GALNTL6: variants seen among roughly 807,000 people sequenced by gnomAD.
GALNTL6 encodes the protein polypeptide N-acetylgalactosaminyltransferase like 6.
A neutral mutation model predicts 73.7 loss-of-function variants in GALNTL6; 46 were observed. That is an observed-to-expected ratio of 0.62 (90% confidence interval 0.49 to 0.80). The LOEUF (loss-of-function observed/expected upper bound fraction) is 0.80, where lower values mean the gene tolerates loss of function less well. Among genes scored for constraint, GALNTL6 ranks in the 30% least tolerant of loss-of-function variants. The pLI is 0.00. For missense variants in GALNTL6, 604 were observed against 755.0 expected (o/e 0.80, Z 2.34); for synonymous variants, 259 against 263.7 (o/e 0.98, Z 0.17).
At chr4:172,393,748 T>C (rs1453389194) in intron 5 of GALNTL6, among the ~76,000 whole-genome samples, 5 of 152,208 alleles carry the variant, frequency 3.3e-5, no homozygotes, top group Non-Finnish European at 7.3e-5. Flanking sequence ...TTTATGTAAC[T>C]ACTTTTATTA....
chr4:171,909,862 A>G (rs111729779), intron 2 of GALNTL6, among the ~76,000 whole-genome samples: 2,006 of 152,296 alleles, frequency 0.013, 49 homozygotes, highest in African/African-American at 0.045. Flanking sequence ...GGCAGACTGC[A>G]GTTTGCTGTA....
chr4:171,980,180 C>A (rs575921280), intron 2 of GALNTL6, among the ~76,000 whole-genome samples: 49 of 151,982 alleles, frequency 3.2e-4, no homozygotes, highest in African/African-American at 1.2e-3. Flanking sequence ...GGAAAAAGAA[C>A]CCAAAGAATT....
chr4:172,813,592 T>A lies in GALNTL6; in HGVS notation c.792T>A (p.Ile264=), dbSNP rs775739277. The change falls in exon 7 of 13, where the codon ATT becomes ATA. Residue 264 remains isoleucine, a synonymous_variant. Coordinates refer to ENST00000506823, the MANE Select transcript of GALNTL6 (RefSeq NM_001034845.3). ...KTIVCPMIDV[I]DHNHFGYEAQ... ...TCGTGTGTCCCATGATCGATGTCAT[T>A]GACCACAATCACTTCGGGTATGAGG... is the stretch of plus-strand genomic sequence containing the variant. 1 of 1,613,084 alleles carries A rather than the reference T, an allele frequency of 6.2e-7. No homozygotes were observed. The highest frequency in any genetic ancestry group is 8.5e-7 in the Non-Finnish European group (1 of 1,179,266).
chr4:171,885,939 C>T (rs1046308279), intron 2 of GALNTL6, among the ~76,000 whole-genome samples: 1 of 151,860 alleles, frequency 6.6e-6, no homozygotes, highest in Non-Finnish European at 1.5e-5. Flanking sequence ...TTGTAGAAAC[C>T]AAATTCACTT....
At chr4:172,820,642 T>TCTCCC in intron 7 of GALNTL6, among the ~76,000 whole-genome samples, 1 of 152,186 alleles carries the variant, frequency 6.6e-6, no homozygotes, top group South Asian at 2.1e-4. Flanking sequence ...CTCCCATCCC[T>TCTCCC]ATTAGGACAA....
At chr4:172,363,716 A>G (rs370918734) in intron 5 of GALNTL6, among the ~76,000 whole-genome samples, 1 of 152,300 alleles carries the variant, frequency 6.6e-6, no homozygotes, top group African/African-American at 2.4e-5. Context: ...GGTTGAACCA[A>G]TGTACATATT....
intron 3 of GALNTL6, among the ~76,000 whole-genome samples, chr4:172,310,524 A>G (rs1973246): frequency 0.8 from 122,132 of 152,004 alleles, 49,686 homozygotes; most frequent in Non-Finnish European, 0.87. Context: ...GCCTGCCTTG[A>G]CCTCCCAAAG....
intron 5 of GALNTL6, among the ~76,000 whole-genome samples, chr4:172,592,411 A>G (rs1031920199): frequency 4.6e-5 from 7 of 151,928 alleles, no homozygotes; most frequent in Non-Finnish European, 8.8e-5. Context: ...ACTAGGTCCT[A>G]CCTCCCACCA....
chr4:172,697,413 A>G lies in GALNTL6; in HGVS notation c.554-111948A>G, dbSNP rs559779824. 1.4e-3 allele frequency among the ~76,000 whole-genome samples: 215 copies of G among 152,372 alleles called. 1 individual carries two copies. The highest frequency in any genetic ancestry group is 5.0e-3 in the African/African-American group (206 of 41,584). ...CTTGATCCTCTAAGTAAATAGAAAT[A>G]CTAAATAAAAAGTTGGCATTTCACT... On this transcript the variant is annotated intron_variant, in intron 5 of 12. Coordinates refer to ENST00000506823, the MANE Select transcript of GALNTL6 (RefSeq NM_001034845.3).
At chr4:172,947,609 A>C (rs1357507102) in intron 9 of GALNTL6, among the ~76,000 whole-genome samples, 1 of 150,822 alleles carries the variant, frequency 6.6e-6, no homozygotes, top group Admixed American at 6.6e-5. Flanking sequence ...ACATCTTAGC[A>C]GGTCCACCAA....
At chr4:171,957,180 T>C (rs150942727) in intron 2 of GALNTL6, among the ~76,000 whole-genome samples, 1,553 of 152,320 alleles carry the variant, frequency 0.01, 16 homozygotes, top group Non-Finnish European at 0.018. Flanking sequence ...CTCTAATTTC[T>C]GTAGATTTAT....
chr4:172,529,544 G>T (rs929314457), intron 5 of GALNTL6, among the ~76,000 whole-genome samples: 1 of 152,038 alleles, frequency 6.6e-6, no homozygotes, highest in African/African-American at 2.4e-5. Flanking sequence ...ATATCCTCCA[G>T]TAATTAACTT....
At chr4:172,414,672 T>C (rs1417377919) in intron 5 of GALNTL6, among the ~76,000 whole-genome samples, 1 of 152,140 alleles carries the variant, frequency 6.6e-6, no homozygotes, top group Non-Finnish European at 1.5e-5. Flanking sequence ...AGAACCAAAG[T>C]CCTTTCCTAG....
At chr4:172,493,546 G>C (rs72995069) in intron 5 of GALNTL6, among the ~76,000 whole-genome samples, 1 of 151,998 alleles carries the variant, frequency 6.6e-6, no homozygotes, top group Admixed American at 6.6e-5. Flanking sequence ...CACTTACTTG[G>C]TACCAGGTTT....
intron 2 of GALNTL6, among the ~76,000 whole-genome samples, chr4:171,860,802 A>T (rs1233326992): frequency 6.6e-6 from 1 of 152,186 alleles, no homozygotes; most frequent in Non-Finnish European, 1.5e-5. Flanking sequence ...CTTAATACAG[A>T]ATATAGTCAT....
intron 2 of GALNTL6, among the ~76,000 whole-genome samples, chr4:171,968,774 G>A (rs1739466395): frequency 6.7e-6 from 1 of 149,508 alleles, no homozygotes; most frequent in Non-Finnish European, 1.5e-5. Context: ...TGAACTCTGG[G>A]TCAGACTTGT....
At chr4:172,094,217 C>T (rs1185767691) in intron 2 of GALNTL6, among the ~76,000 whole-genome samples, 7 of 152,128 alleles carry the variant, frequency 4.6e-5, no homozygotes, top group Admixed American at 4.6e-4. Flanking sequence ...ACTTAAACTT[C>T]TGTAGAATAT....
intron 5 of GALNTL6, among the ~76,000 whole-genome samples, chr4:172,672,175 G>A (rs1732024530): frequency 6.6e-6 from 1 of 152,210 alleles, no homozygotes; most frequent in African/African-American, 2.4e-5. Context: ...ACAGGAGTGA[G>A]CCAGCATGCC....
In GALNTL6 at chr4:172,554,156, A is replaced by G. The variant is rs555416421; in HGVS notation, c.553+205467A>G. ...TTTCCCAATTCTAACTCCCACCCCA[A>G]CTGTATATTCTAACTGACCCATGGA... On this transcript the variant is annotated intron_variant, in intron 5 of 12. Coordinates refer to ENST00000506823, the MANE Select transcript of GALNTL6 (RefSeq NM_001034845.3). Among the ~76,000 whole-genome samples, 8 of 152,266 alleles carry G rather than the reference A, an allele frequency of 5.3e-5. No homozygotes were observed. The East Asian group carries it at 1.5e-3, about 29-fold the overall frequency.
Sources: allele counts gnomAD v4.1 joint callset (sites outside exome capture counted in the v4.1 genomes callset), GRCh38; gene constraint gnomAD v4.1.1; transcripts MANE v1.5; gene names NCBI Gene and HGNC (gene_info 2026-07-23, HGNC 2026-07-21).